SLC12A9: variants seen among roughly 807,000 people sequenced by gnomAD.
The protein encoded by SLC12A9 is solute carrier family 12 member 9, also known as CCC-interacting protein 1.
A neutral mutation model predicts 66.0 loss-of-function variants in SLC12A9; 55 were observed. The ratio of observed to expected loss-of-function variants is 0.83; its 90% CI spans 0.67 to 1.04. The LOEUF (loss-of-function observed/expected upper bound fraction) is 1.04, where lower values mean the gene tolerates loss of function less well. SLC12A9 is among the 50% of genes least tolerant of loss of function. SLC12A9 has a pLI of 0.00. For missense variants in SLC12A9, 1,061 were observed against 1,241.9 expected, an observed-to-expected ratio of 0.85 and a Z score of 2.19; for synonymous variants, 577 against 569.0, an observed-to-expected ratio of 1.01 and a Z score of -0.20.
upstream of SLC12A9, among the ~76,000 whole-genome samples, chr7:100,848,322 T>C (rs554010514): frequency 4.6e-5 from 7 of 151,160 alleles, no homozygotes; most frequent in Non-Finnish European, 7.4e-5. Context: ...CTGGGCAACA[T>C]AGTGAGAACC....
chr7:100,861,144 C>T lies in SLC12A9; in HGVS notation c.1225C>T (p.Leu409Phe). Residue 409 changes from leucine to phenylalanine, a missense_variant, in exon 10 of 14, where the codon CTC becomes TTC. Leu to Phe is a conservative substitution (Grantham distance 22). Coordinates refer to ENST00000354161, the MANE Select transcript of SLC12A9 (RefSeq NM_020246.4). The surrounding 1 kb of genome is among the most constrained non-coding windows in gnomAD (Gnocchi z 5.3). ...CCTCTTGGCCCTTGCCCAGCTGGTG[C>T]TCCTGGCTGGGAAGCTGAACACACT... Reference protein sequence around the residue: ...LYSWGLVQLVLLAGKLNTLAA... With the variant: ...LYSWGLVQLVFLAGKLNTLAA... The T allele has an allele frequency of 6.2e-7, 1 of 1,614,236 alleles. No homozygotes were observed. The highest frequency in any genetic ancestry group is 8.5e-7 in the Non-Finnish European group (1 of 1,180,046).
chr7:100,840,004 A>G (rs1813751040), intron 1 of SLC12A9, among the ~76,000 whole-genome samples: 1 of 151,024 alleles, frequency 6.6e-6, no homozygotes, highest in African/African-American at 2.4e-5. Flanking sequence ...GCGTGGCCTG[A>G]TCACCCATGG....
rs149052089 is a variant in SLC12A9 at position 100,857,347 on chromosome 7, G to A, written c.757+171G>A. On this transcript the variant is annotated intron_variant, in intron 5 of 13. Transcript: ENST00000354161. ...AAGCCTGTCTAGCGTGTGCTTGGCC[G>A]GCAGGGCAGGAGGAAGCCCACAAAA... is the stretch of plus-strand genomic sequence containing the variant. 8.2e-4 allele frequency: 619 copies of A among 756,576 alleles called. 1 individual carries two copies. In the African/African-American group the frequency reaches 8.3e-3, roughly 10 times the overall value. 46.9% of individuals were successfully genotyped at this position (756,576 alleles called of 1,614,324 possible). A position where few individuals can be genotyped will look rare whatever the true frequency, so the allele number is the denominator to read the frequency against.
At position 100,866,281 on chromosome 7, in the gene SLC12A9, CG is replaced by C; in HGVS notation, c.2425del (p.Ala809LeufsTer13). 1.3e-6 allele frequency: 1 copy of C among 755,450 alleles called. No individual in the cohort carries two copies. Among genetic ancestry groups the C allele is most frequent in the Non-Finnish European group, 2.0e-6 (1 of 490,256 alleles). 46.8% of individuals were successfully genotyped at this position (755,450 alleles called of 1,614,324 possible). ...VQEVVWGEGA[G>X]AGEPEAEEEG... ...AGGAGGTGGTGTGGGGCGAGGGGGC[CG>C]GGGCTGGGGAACCCGAGGCGGAGGA... On this transcript the variant is annotated frameshift_variant, in exon 14 of 14. Transcript: ENST00000354161. LOFTEE classifies it low-confidence loss of function (END_TRUNC). This position sits in a 1 kb window ranked among gnomAD's most constrained non-coding sequence, Gnocchi z 7.3.
Position 100,860,230 on chromosome 7 carries a change from C to A in SLC12A9, c.1216C>A (p.Gln406Lys). The change falls in exon 9 of 14, where the codon CAG becomes AAG. Residue 406 changes from glutamine to lysine, a missense_variant and splice_region_variant. Coordinates refer to ENST00000354161, the MANE Select transcript of SLC12A9 (RefSeq NM_020246.4). ...TGTACTTTATTCTTGGGGCCTGGTG[C>A]AGGTGAGCCTTCTTCTTCAAGGGGC... ...AAVLYSWGLV[Q>K]LVLLAGKLNT... is the part of the protein sequence containing the mutation. 6.2e-7 allele frequency: 1 copy of A among 1,613,838 alleles called. No individual in the cohort carries two copies. The highest frequency in any genetic ancestry group is 1.7e-4 in the Middle Eastern group (1 of 6,060).
At chr7:100,851,698 A>G (rs956097813), upstream of SLC12A9, among the ~76,000 whole-genome samples, 30 of 142,238 alleles carry the variant, frequency 2.1e-4, no homozygotes, top group African/African-American at 7.6e-4. Flanking sequence ...AGGCTGAGGC[A>G]GGAGGATGCT....
chr7:100,841,980 T>C (rs1813800553), intron 1 of SLC12A9, among the ~76,000 whole-genome samples: 1 of 152,134 alleles, frequency 6.6e-6, no homozygotes, highest in Non-Finnish European at 1.5e-5. Flanking sequence ...TTAGCACATG[T>C]ACCACCCCTA....
upstream of SLC12A9, among the ~76,000 whole-genome samples, chr7:100,850,713 C>T (rs1332172579): frequency 6.7e-6 from 1 of 150,078 alleles, no homozygotes; most frequent in African/African-American, 2.4e-5. Flanking sequence ...TTCTTTTCTT[C>T]TTCTTCTTCT....
At chr7:100,850,867 G>A (rs947462927), upstream of SLC12A9, among the ~76,000 whole-genome samples, 6 of 151,734 alleles carry the variant, frequency 4.0e-5, no homozygotes, top group Non-Finnish European at 5.9e-5. Context: ...TTACAGGTGC[G>A]TGCCACCACG....
intron 7 of SLC12A9, 73 bp downstream of exon 7, chr7:100,859,234 C>A: frequency 7.1e-7 from 1 of 1,406,642 alleles, no homozygotes; most frequent in Non-Finnish European, 9.9e-7. Flanking sequence ...GAAACACAGG[C>A]TGGGGGACTG....
At position 100,852,762 on chromosome 7, in the gene SLC12A9, G is replaced by C. The variant is rs1403908535; in HGVS notation, c.-116G>C. On this transcript the variant is annotated 5_prime_UTR_variant, in exon 1 of 14. Transcript: ENST00000354161. ...CCCGGTAGCCGCAGCTGTCTTTTCCGGCCCCCGTGCACTCTCCGCCCGAGC... is the reference window on the plus strand; with the variant it reads ...CCCGGTAGCCGCAGCTGTCTTTTCCCGCCCCCGTGCACTCTCCGCCCGAGC... 2 of 128,812 alleles carry C rather than the reference G, an allele frequency of 1.6e-5. No individual in the cohort carries two copies. The highest frequency in any genetic ancestry group is 2.7e-4 in the South Asian group (1 of 3,688). The allele number at this position is 128,812 out of a possible 1,614,324, so 8.0% of individuals were successfully genotyped here.
intron 1 of SLC12A9, among the ~76,000 whole-genome samples, chr7:100,846,382 C>T (rs939559857): frequency 1.3e-5 from 2 of 151,896 alleles, no homozygotes; most frequent in South Asian, 2.1e-4. Context: ...CTGGCTAACA[C>T]GGTGAAACCC....
rs1306411519 is a variant in SLC12A9, at chr7:100,857,106, C to T, written c.687C>T (p.Gly229=). ...TGACTCCTAGGCCTGGCCCCAATGG[C>T]TCCTCCCTGCCGCCCCGGTTTGGCC... ...IRLTPRPGPN[G]SSLPPRFGHF... is the part of the protein sequence containing the mutation. The change falls in exon 5 of 14, where the codon GGC becomes GGT. Residue 229 remains glycine, a synonymous_variant. Coordinates refer to ENST00000354161, the MANE Select transcript of SLC12A9 (RefSeq NM_020246.4). 4.3e-6 allele frequency: 7 copies of T among 1,614,202 alleles called. No homozygotes were observed. The highest frequency in any genetic ancestry group is 5.9e-6 in the Non-Finnish European group (7 of 1,180,044).
Position 100,866,007 on chromosome 7 carries a change from G to T in SLC12A9, c.2147G>T (p.Gly716Val), listed in dbSNP as rs1815063082. 1 of 1,612,610 alleles carries T rather than the reference G, an allele frequency of 6.2e-7. No homozygotes were observed. The highest frequency in any genetic ancestry group is 1.7e-5 in the Admixed American group (1 of 60,008). The stretch of plus-strand genomic sequence containing the variant: ...CCTGAGCGGCTGAGCCGGGGGTCTG[G>T]GGGCACCTCTCAGCTGCACCATGTG... ...LPPERLSRGS[G>V]GTSQLHHVDV... The change falls in exon 14 of 14, where the codon GGG becomes GTG. Residue 716 changes from glycine (G) to valine (V), a missense_variant. Gly to Val is a moderately radical substitution (Grantham distance 109). Transcript: ENST00000354161. The surrounding 1 kb of genome is among the most constrained non-coding windows in gnomAD (Gnocchi z 7.3).
intron 1 of SLC12A9, among the ~76,000 whole-genome samples, chr7:100,837,091 G>C (rs1813676164): frequency 6.6e-6 from 1 of 152,082 alleles, no homozygotes; most frequent in Admixed American, 6.6e-5. Context: ...TGAATCCCAC[G>C]ATCTCCTCTA....
chr7:100,859,221 G>A, intron 7 of SLC12A9, 60 bp downstream of exon 7: 3 of 1,486,820 alleles, frequency 2.0e-6, no homozygotes, highest in Non-Finnish European at 2.8e-6. Flanking sequence ...GGGTCACCAA[G>A]GGGAAACACA....
intron 1 of SLC12A9, among the ~76,000 whole-genome samples, chr7:100,833,236 C>T (rs901156285): frequency 6.6e-6 from 1 of 151,896 alleles, no homozygotes; most frequent in African/African-American, 2.4e-5. Flanking sequence ...GTAATCTTAG[C>T]ACTTTGGGAG....
intron 1 of SLC12A9, among the ~76,000 whole-genome samples, chr7:100,839,076 C>T (rs958229527): frequency 6.6e-6 from 1 of 152,228 alleles, no homozygotes; most frequent in African/African-American, 2.4e-5. Flanking sequence ...GTAATCCCAG[C>T]GCTTTGGGAG....
intron 7 of SLC12A9, 187 bp downstream of exon 7, chr7:100,859,348 T>G (rs1049605281): frequency 1.6e-6 from 1 of 611,928 alleles, no homozygotes; most frequent in African/African-American, 1.8e-5. Context: ...GCACTTAGCT[T>G]GGGAGTGAGG....
Sources: gnomAD v4.1 joint callset for allele counts (sites outside exome capture counted in the v4.1 genomes callset) on GRCh38, gnomAD v4.1.1 for gene constraint, Gnocchi (gnomAD v3.1) non-coding constraint, MANE v1.5 for transcripts, NCBI Gene and HGNC (gene_info 2026-07-23, HGNC 2026-07-21) for gene names.